Variants in EIF4G3 observed in about 807,000 individuals in gnomAD.
EIF4G3 encodes the protein eIF-4-gamma 3.
Under a neutral mutation model 186.4 loss-of-function variants are expected in EIF4G3, and 34 were observed. The ratio of observed to expected loss-of-function variants is 0.18; its 90% CI spans 0.14 to 0.24. The LOEUF (loss-of-function observed/expected upper bound fraction) is 0.24, where lower values mean the gene tolerates loss of function less well. EIF4G3 is among the 10% of genes least tolerant of loss of function. EIF4G3 has a pLI of 1.00. For synonymous variants in EIF4G3, 673 were observed against 679.5 expected, an observed-to-expected ratio of 0.99 and a Z score of 0.15; for missense variants, 1,536 against 1,948.5, an observed-to-expected ratio of 0.79 and a Z score of 3.99.
At chr1:21,051,579 C>A (rs939197947) in intron 3 of EIF4G3, among the ~76,000 whole-genome samples, 2 of 152,158 alleles carry the variant, frequency 1.3e-5, no homozygotes, top group Non-Finnish European at 2.9e-5. Flanking sequence ...TGGCCAGATG[C>A]TGTGGCTTAT....
intron 11 of EIF4G3, among the ~76,000 whole-genome samples, chr1:20,971,368 T>C (rs878936637): frequency 3.0e-4 from 45 of 152,366 alleles, no homozygotes; most frequent in Admixed American, 2.2e-3. Context: ...GTTTTAAGTA[T>C]AGCTTTAATT....
intron 4 of EIF4G3, among the ~76,000 whole-genome samples, chr1:21,038,845 C>T (rs1020489174): frequency 6.6e-6 from 1 of 152,094 alleles, no homozygotes; most frequent in African/African-American, 2.4e-5. Flanking sequence ...TCTTCACCTA[C>T]TTAGAAAAAG....
chr1:20,860,437 T>C lies in EIF4G3; in HGVS notation c.3192A>G (p.Gln1064=), dbSNP rs2076080789. ...QIHKEAKIEE[Q]EEQRKVQQLM... ...GTTGCTGGACCTTCCTTTGCTCTTC[T>C]TGTTCTTCTATTTTAGCCTCTTTGT... The change falls in exon 24 of 37, where the codon CAA becomes CAG. Residue 1064 remains glutamine, a synonymous_variant. Transcript: ENST00000602326. 6.2e-7 allele frequency: 1 copy of C among 1,614,160 alleles called. No homozygotes were observed. Among genetic ancestry groups the C allele is most frequent in the Admixed American group, 1.7e-5 (1 of 60,016 alleles).
At chr1:21,032,647 T>C (rs1282464491) in intron 4 of EIF4G3, among the ~76,000 whole-genome samples, 1 of 152,180 alleles carries the variant, frequency 6.6e-6, no homozygotes, top group Non-Finnish European at 1.5e-5. Flanking sequence ...TTTCAGGTTA[T>C]GTTCTTCAAA....
At chr1:20,825,297 A>C in intron 32 of EIF4G3, 99 bp from the exon 33 acceptor site, 1 of 918,480 alleles carries the variant, frequency 1.1e-6, no homozygotes, top group Non-Finnish European at 1.6e-6. Context: ...AACAGTGCAA[A>C]CCCCAAAAAG....
chr1:20,905,734 A>G (rs2091885422), intron 14 of EIF4G3, among the ~76,000 whole-genome samples: 2 of 152,216 alleles, frequency 1.3e-5, no homozygotes, highest in Admixed American at 1.3e-4. Context: ...TAAGCTGATG[A>G]TATTAAACTG....
rs1275304181 is a variant in EIF4G3, at chr1:20,869,424, T to TA, written c.2623-4163dup. Among the ~76,000 whole-genome samples, 15 of 149,262 alleles carry TA rather than the reference T, an allele frequency of 1.0e-4. 1 individual carries two copies. The Admixed American group carries it at 1.0e-3, about 10-fold the overall frequency. ...GTCTCCTGAGTACCTGTCTCCTGAG[T>TA]AGCTGGGATTATAGGCATGTGTCAC... On this transcript the variant is annotated intron_variant, in intron 20 of 36. Coordinates refer to ENST00000602326, the MANE Select transcript of EIF4G3 (RefSeq NM_001391906.1).
In EIF4G3 at chr1:20,825,251, G is replaced by GAAA. The variant is rs71585786; in HGVS notation, c.4270-56_4270-54dup. 5.6e-3 allele frequency: 1,295 copies of GAAA among 231,532 alleles called. 12 individuals carry two copies. Among genetic ancestry groups the GAAA allele is most frequent in the African/African-American group, 0.042 (869 of 20,690 alleles). 14.3% of individuals were successfully genotyped at this position (231,532 alleles called of 1,614,324 possible). The stretch of plus-strand genomic sequence containing the variant: ...TACTTTCACAGTGGAAGAAGAAACA[G>GAAA]AAAAAAAAAAAAAAAAAAAGATTTG... On this transcript the variant is annotated intron_variant, in intron 32 of 36. Transcript: ENST00000602326.
At chr1:21,023,901 T>C (rs2091461986) in intron 4 of EIF4G3, among the ~76,000 whole-genome samples, 2 of 131,796 alleles carry the variant, frequency 1.5e-5, no homozygotes, top group African/African-American at 2.8e-5. Flanking sequence ...GGAGCGCCTC[T>C]GCCCCGCCGC....
chr1:20,985,530 AT>A (rs201485653), intron 7 of EIF4G3, among the ~76,000 whole-genome samples: 61 of 77,008 alleles, frequency 7.9e-4, no homozygotes, highest in African/African-American at 1.8e-3. Context: ...AAAAAAAAAA[AT>A]ATATATCCTT....
chr1:21,038,969 C>A (rs2093404413), intron 4 of EIF4G3, among the ~76,000 whole-genome samples: 1 of 152,238 alleles, frequency 6.6e-6, no homozygotes, highest in South Asian at 2.1e-4. Context: ...CATATGGAAT[C>A]TCAAGGGTCC....
intron 14 of EIF4G3, among the ~76,000 whole-genome samples, chr1:20,937,524 A>G (rs570953928): frequency 6.6e-6 from 1 of 152,228 alleles, no homozygotes; most frequent in Non-Finnish European, 1.5e-5. Flanking sequence ...CAAAATATAC[A>G]TTAAAAATGT....
intron 13 of EIF4G3, among the ~76,000 whole-genome samples, chr1:20,946,482 A>G (rs2095954983): frequency 6.6e-6 from 1 of 152,222 alleles, no homozygotes; most frequent in African/African-American, 2.4e-5. Flanking sequence ...GGTGCCAAAC[A>G]AATGTAAAAT....
intron 4 of EIF4G3, among the ~76,000 whole-genome samples, chr1:21,044,739 C>G (rs112574191): frequency 6.6e-6 from 1 of 151,268 alleles, no homozygotes; most frequent in Admixed American, 6.6e-5. Flanking sequence ...CCTTAACATC[C>G]CAGTCTCAAG....
chr1:21,144,885 C>A (rs1458282424), intron 2 of EIF4G3, among the ~76,000 whole-genome samples: 2 of 152,120 alleles, frequency 1.3e-5, no homozygotes. Context: ...CAGCAGAACA[C>A]TAGAAGAGGT....
chr1:20,857,391 T>C lies in EIF4G3; in HGVS notation c.3339+12A>G. On this transcript the variant is annotated intron_variant, in intron 25 of 36. Transcript: ENST00000602326. ...AGGAGAGCGTAAATTGTACTTTAAA[T>C]GTCAGACTCACCTTAGTGATTTTTA... The C allele has an allele frequency of 6.2e-7, 1 of 1,606,254 alleles. No homozygotes were observed. Among genetic ancestry groups the C allele is most frequent in the Non-Finnish European group, 8.5e-7 (1 of 1,172,884 alleles).
Position 20,899,772 on chromosome 1 carries a change from C to T in EIF4G3, c.1924G>A (p.Glu642Lys), listed in dbSNP as rs929090642. 6.2e-7 allele frequency: 1 copy of T among 1,614,168 alleles called. No homozygotes were observed. Among genetic ancestry groups the T allele is most frequent in the Admixed American group, 1.7e-5 (1 of 60,022 alleles). Residue 642 changes from glutamate to lysine, a missense_variant, in exon 16 of 37, where the codon GAG (glutamate) becomes AAG (lysine). Transcript: ENST00000602326. ...PVRNGAESVS[E>K]GEGIDANSGS... ...GAATTAGCATCTATTCCTTCACCCT[C>T]AGAAACACTCTCAGCACCATTACGT...
At chr1:20,921,133 C>T (rs1377824255) in intron 14 of EIF4G3, among the ~76,000 whole-genome samples, 2 of 151,958 alleles carry the variant, frequency 1.3e-5, no homozygotes, top group African/African-American at 4.8e-5. Context: ...CCTAAATATA[C>T]CATATGCATA....
At chr1:20,997,103 CCAG>C (rs2082456714) in intron 7 of EIF4G3, among the ~76,000 whole-genome samples, 1 of 151,820 alleles carries the variant, frequency 6.6e-6, no homozygotes, top group Non-Finnish European at 1.5e-5. Context: ...ATAATTCTAT[CCAG>C]CAAATGGATG....
Sources: allele counts gnomAD v4.1 joint callset (sites outside exome capture counted in the v4.1 genomes callset), GRCh38; gene constraint gnomAD v4.1.1; transcripts MANE v1.5; gene names NCBI Gene and HGNC (gene_info 2026-07-23, HGNC 2026-07-21).